The following APBB2 variants were observed in gnomAD, a reference collection of about 807,000 sequenced individuals.
APBB2 encodes the protein amyloid beta precursor protein binding family B member 2.
A neutral mutation model predicts 82.5 loss-of-function variants in APBB2; 38 were observed. The observed-to-expected ratio is 0.46, with a 90% CI of 0.36 to 0.60. The LOEUF is 0.60. APBB2 is among the 20% of genes least tolerant of loss of function. The probability of loss-of-function intolerance (pLI) is 0.00; values close to 1 mark genes in which losing one functional copy is unlikely to be tolerated. For missense variants in APBB2, 772 were observed against 972.3 expected (o/e 0.79, Z 2.74); for synonymous variants, 341 against 368.2 (o/e 0.93, Z 0.85).
chr4:41,021,329 T>C (rs1287655745), intron 5 of APBB2, among the ~76,000 whole-genome samples: 1 of 152,064 alleles, frequency 6.6e-6, no homozygotes, highest in Non-Finnish European at 1.5e-5. Flanking sequence ...GCAGGTGGGG[T>C]GTCCTGTTTA....
chr4:40,869,403 T>C (rs997006558), intron 12 of APBB2, among the ~76,000 whole-genome samples: 7 of 151,754 alleles, frequency 4.6e-5, no homozygotes, highest in African/African-American at 1.5e-4. Flanking sequence ...CTGGGCAATA[T>C]AGCAAGACCC....
At chr4:41,132,498 A>G (rs79373038) in intron 2 of APBB2, among the ~76,000 whole-genome samples, 10,712 of 152,326 alleles carry the variant, frequency 0.07, 541 homozygotes, top group Non-Finnish European at 0.1. Context: ...CCTGATTAGC[A>G]ATCAGATTCT....
chr4:41,190,863 T>C (rs1774230689), intron 1 of APBB2, among the ~76,000 whole-genome samples: 1 of 152,182 alleles, frequency 6.6e-6, no homozygotes, highest in African/African-American at 2.4e-5. Context: ...GCTAATCCTC[T>C]ACTTCTGATT....
rs1430227003 is a variant in APBB2 at position 40,994,295 on chromosome 4, AAAAAG to A, written c.835+19283_835+19287del. Among the ~76,000 whole-genome samples, 7 of 152,064 alleles carry A rather than the reference AAAAAG, an allele frequency of 4.6e-5. No individual in the cohort carries two copies. In the East Asian group the frequency reaches 1.4e-3, roughly 29 times the overall value. On this transcript the variant is annotated intron_variant, in intron 6 of 17. Transcript: ENST00000508593. ...GAGCAAGACTCATCTCAAAAAAAAA[AAAAAG>A]AAACACCTAGGAGTTCTGATGCAGA...
intron 16 of APBB2, 73 bp from the exon 17 acceptor site, chr4:40,822,123 C>A (rs1192216693): frequency 2.6e-6 from 4 of 1,552,200 alleles, no homozygotes; most frequent in Non-Finnish European, 3.5e-6. Context: ...CACATAGGAA[C>A]TGGCATTCAG....
chr4:40,916,920 A>G (rs1005462223), intron 10 of APBB2, among the ~76,000 whole-genome samples: 4 of 152,134 alleles, frequency 2.6e-5, no homozygotes, highest in Non-Finnish European at 5.9e-5. Flanking sequence ...CAGAGGGAAG[A>G]GGGGAGGACT....
Position 40,934,484 on chromosome 4 carries a change from C to T in APBB2, c.1226G>A (p.Cys409Tyr). ...GGCTTCTGGGTCACTGTTGATACTA[C>T]AAGAATCATCATCATCAGGGTGTGG... Reference protein sequence around the residue: ...NAPHPDDDDSCSINSDPEAKC... With the variant: ...NAPHPDDDDSYSINSDPEAKC... Residue 409 changes from cysteine to tyrosine, a missense_variant, in exon 10 of 18, where the codon TGT becomes TAT. Cys to Tyr is a radical substitution (Grantham distance 194). Transcript: ENST00000508593. 1 of 1,614,162 alleles carries T rather than the reference C, an allele frequency of 6.2e-7. No homozygotes were observed. The highest frequency in any genetic ancestry group is 8.5e-7 in the Non-Finnish European group (1 of 1,180,014).
chr4:40,888,859 C>G (rs1217066511), intron 12 of APBB2, among the ~76,000 whole-genome samples: 2 of 152,268 alleles, frequency 1.3e-5, no homozygotes, highest in Admixed American at 6.5e-5. Context: ...ATGTCACAAG[C>G]TCTGCACTTT....
At chr4:40,884,433 A>G (rs1167778091) in intron 12 of APBB2, among the ~76,000 whole-genome samples, 2 of 152,252 alleles carry the variant, frequency 1.3e-5, no homozygotes, top group Non-Finnish European at 2.9e-5. Context: ...GCAGCAGAAC[A>G]GCACTGGCAT....
intron 12 of APBB2, among the ~76,000 whole-genome samples, chr4:40,842,027 G>A (rs1413066294): frequency 6.6e-6 from 1 of 152,130 alleles, no homozygotes; most frequent in African/African-American, 2.4e-5. Flanking sequence ...TCTACAACAT[G>A]GCACATAACC....
chr4:40,830,908 C>CA (rs1219827637), intron 12 of APBB2, among the ~76,000 whole-genome samples: 1 of 150,276 alleles, frequency 6.7e-6, no homozygotes, highest in Admixed American at 6.6e-5. Context: ...AAACCACTAT[C>CA]AAAAAAAACC....
At chr4:40,934,902 C>A in intron 8 of APBB2, 175 bp downstream of exon 8, 1 of 682,906 alleles carries the variant, frequency 1.5e-6, no homozygotes, top group Non-Finnish European at 2.4e-6. Context: ...AGGGCATTCA[C>A]AATGGGAGAC....
At chr4:40,977,657 C>T (rs143388607) in intron 6 of APBB2, among the ~76,000 whole-genome samples, 13 of 151,998 alleles carry the variant, frequency 8.6e-5, no homozygotes, top group Middle Eastern at 3.2e-3. Flanking sequence ...GTCTCAAGAG[C>T]GTCTATATAT....
At chr4:41,125,974 AG>A (rs1422739751) in intron 2 of APBB2, among the ~76,000 whole-genome samples, 1 of 152,168 alleles carries the variant, frequency 6.6e-6, no homozygotes, top group Non-Finnish European at 1.5e-5. Flanking sequence ...ATGAAACCCG[AG>A]GACTCCAATC....
chr4:40,957,931 G>A (rs767202460), intron 6 of APBB2, among the ~76,000 whole-genome samples: 1 of 152,136 alleles, frequency 6.6e-6, no homozygotes, highest in South Asian at 2.1e-4. Flanking sequence ...ATGATCAGAG[G>A]TTGGTAGAAG....
At chr4:41,208,492 C>A (rs1186643304) in intron 1 of APBB2, among the ~76,000 whole-genome samples, 2 of 152,182 alleles carry the variant, frequency 1.3e-5, no homozygotes, top group Non-Finnish European at 2.9e-5. Context: ...AAACTCCCGA[C>A]CTCAAGTGAG....
chr4:41,051,800 T>C (rs1035985948), intron 4 of APBB2, among the ~76,000 whole-genome samples: 6 of 152,196 alleles, frequency 3.9e-5, no homozygotes, highest in African/African-American at 1.4e-4. Flanking sequence ...CTCCAAGCTA[T>C]CAACAGCCAG....
At chr4:41,105,343 CAT>C (rs1252447389) in intron 2 of APBB2, among the ~76,000 whole-genome samples, 4 of 152,180 alleles carry the variant, frequency 2.6e-5, no homozygotes, top group South Asian at 4.1e-4. Flanking sequence ...CAAATTACTA[CAT>C]GTTTTGTTTC....
intron 3 of APBB2, among the ~76,000 whole-genome samples, chr4:41,093,223 C>T (rs1742384341): frequency 6.6e-6 from 1 of 152,186 alleles, no homozygotes; most frequent in African/African-American, 2.4e-5. Context: ...TTTACTCAGG[C>T]ACACAGAGCA....
Sources: gnomAD v4.1 joint callset for allele counts (sites outside exome capture counted in the v4.1 genomes callset) on GRCh38, gnomAD v4.1.1 for gene constraint, MANE v1.5 for transcripts, NCBI Gene and HGNC (gene_info 2026-07-23, HGNC 2026-07-21) for gene names.